Variants in IARS1 observed in about 807,000 individuals in gnomAD.
The protein encoded by IARS1 is isoleucyl-tRNA synthetase 1.
Under a neutral mutation model 168.2 loss-of-function variants are expected in IARS1, and 124 were observed. The observed-to-expected ratio is 0.74, with a 90% confidence interval of 0.64 to 0.86. IARS1 has a LOEUF of 0.86. IARS1 is among the 40% of genes least tolerant of loss of function. IARS1 has a pLI of 0.00. For synonymous variants in IARS1, 532 were observed against 529.4 expected, an observed-to-expected ratio of 1.00 and a Z score of -0.07; for missense variants, 1,452 against 1,515.8, an observed-to-expected ratio of 0.96 and a Z score of 0.70.
chr9:92,293,495 G>A (rs954423840), intron 1 of IARS1, 116 bp downstream of exon 1: 13 of 528,360 alleles, frequency 2.5e-5, no homozygotes, highest in Non-Finnish European at 5.0e-5. Context: ...CGAACGGCAA[G>A]CCCCGAAGAA....
intron 14 of IARS1, 112 bp from the exon 15 acceptor site, chr9:92,265,665 C>CT (rs994186654): frequency 6.6e-4 from 583 of 881,036 alleles, no homozygotes; most frequent in East Asian, 9.6e-4. Context: ...TTTCTTTTTC[C>CT]TTTTTTTTTG....
chr9:92,213,410 A>G (rs1364099593), intron 33 of IARS1, among the ~76,000 whole-genome samples: 3 of 152,248 alleles, frequency 2.0e-5, no homozygotes, highest in Non-Finnish European at 4.4e-5. Context: ...ATGGCCTTCC[A>G]AAGATATGCC....
intron 30 of IARS1, among the ~76,000 whole-genome samples, chr9:92,230,220 C>A (rs1400862606): frequency 6.6e-6 from 1 of 152,008 alleles, no homozygotes; most frequent in African/African-American, 2.4e-5. Flanking sequence ...AAGAGATTCT[C>A]CTGTTTCAAC....
At chr9:92,283,837 T>C (rs1835020827) in intron 6 of IARS1, among the ~76,000 whole-genome samples, 1 of 152,152 alleles carries the variant, frequency 6.6e-6, no homozygotes, top group Non-Finnish European at 1.5e-5. Flanking sequence ...ATTAGAAATA[T>C]GAACTGATGA....
At chr9:92,283,026 T>G (rs928788862) in intron 6 of IARS1, among the ~76,000 whole-genome samples, 3 of 152,022 alleles carry the variant, frequency 2.0e-5, no homozygotes, top group Non-Finnish European at 2.9e-5. Context: ...AGCTAATTTT[T>G]GTAATTTTAG....
At position 92,223,383 on chromosome 9, in the gene IARS1, C is replaced by T. The variant is rs1486206310; in HGVS notation, c.3516G>A (p.Gln1172=). Residue 1172 remains glutamine, a synonymous_variant, in exon 32 of 34, where the codon CAG becomes CAA. Coordinates refer to ENST00000443024, the MANE Select transcript of IARS1 (RefSeq NM_002161.6). ...LINSSSTLLC[Q]YINLQLLNAK... is the part of the protein sequence containing the mutation. ...CATTCAGGAGCTGTAGGTTGATATA[C>T]TGACAAAGAAGAGTACTAGAACTGT... is the stretch of plus-strand genomic sequence containing the variant. 3 of 1,613,764 alleles carry T rather than the reference C, an allele frequency of 1.9e-6. No individual in the cohort carries two copies. The highest frequency in any genetic ancestry group is 2.5e-6 in the Non-Finnish European group (3 of 1,179,762).
At chr9:92,232,751 C>T (rs941302092) in intron 30 of IARS1, among the ~76,000 whole-genome samples, 19 of 152,146 alleles carry the variant, frequency 1.2e-4, no homozygotes, top group African/African-American at 4.1e-4. Context: ...GAGTTCAAGA[C>T]CAGACTGGGC....
chr9:92,287,023 A>T (rs897340644), intron 4 of IARS1, among the ~76,000 whole-genome samples: 1 of 152,256 alleles, frequency 6.6e-6, no homozygotes, highest in Non-Finnish European at 1.5e-5. Context: ...CAACTTTACA[A>T]AGCAGAAAGC....
At chr9:92,288,707 T>C (rs564895420) in intron 2 of IARS1, among the ~76,000 whole-genome samples, 1 of 152,142 alleles carries the variant, frequency 6.6e-6, no homozygotes, top group South Asian at 2.1e-4. Flanking sequence ...GGTACTTAGG[T>C]ATAAGTGCCT....
chr9:92,247,672 A>G (rs897175805), intron 25 of IARS1, 121 bp from the exon 26 acceptor site: 1 of 785,518 alleles, frequency 1.3e-6, no homozygotes, highest in Non-Finnish European at 2.0e-6. Flanking sequence ...TCAAGTGTCC[A>G]TCAACTGTGA....
At position 92,286,651 on chromosome 9, in the gene IARS1, C is replaced by T. The variant is rs1297527230; in HGVS notation, c.397-33G>A. The stretch of plus-strand genomic sequence containing the variant: ...ATATTAATATTAGAACAGTATTAGA[C>T]AATGATATTTATAATTGTACATCAA... On this transcript the variant is annotated intron_variant, in intron 4 of 33. Transcript: ENST00000443024. 6.1e-6 allele frequency: 7 copies of T among 1,139,698 alleles called. No individual in the cohort carries two copies. The African/African-American group carries it at 6.3e-5, about 10-fold the overall frequency. The allele number at this position is 1,139,698 out of a possible 1,614,324, so 70.6% of individuals were successfully genotyped here.
Position 92,250,282 on chromosome 9 carries a change from ATTC to A in IARS1, c.2434_2436del (p.Glu812del), listed in dbSNP as rs760823932. ...GCACTCTCTGTTTTCTTGTCAATCA[ATTC>A]TTCTCTGAGTGGTAGAGGTAGGAAT... On this transcript the variant is annotated inframe_deletion, in exon 24 of 34. Transcript: ENST00000443024. The A allele has an allele frequency of 1.3e-6, 2 of 1,592,772 alleles. No homozygotes were observed. The highest frequency in any genetic ancestry group is 2.2e-5 in the South Asian group (2 of 90,628).
At chr9:92,233,675 C>T (rs1406987291) in intron 30 of IARS1, among the ~76,000 whole-genome samples, 1 of 152,248 alleles carries the variant, frequency 6.6e-6, no homozygotes, top group Non-Finnish European at 1.5e-5. Context: ...ATACACGTCT[C>T]TCCACTTACT....
intron 1 of IARS1, among the ~76,000 whole-genome samples, chr9:92,291,352 T>A (rs1448522173): frequency 6.6e-6 from 1 of 152,170 alleles, no homozygotes; most frequent in Non-Finnish European, 1.5e-5. Context: ...CTCAAACAGT[T>A]TTGAAAGCAT....
intron 32 of IARS1, among the ~76,000 whole-genome samples, chr9:92,222,926 C>T (rs1839879967): frequency 6.6e-6 from 1 of 151,516 alleles, no homozygotes; most frequent in Non-Finnish European, 1.5e-5. Context: ...ATACTCAGTA[C>T]ACAGTGAAGT....
Position 92,242,323 on chromosome 9 carries a change from A to G in IARS1, c.3008T>C (p.Leu1003Pro). 1 of 1,610,238 alleles carries G rather than the reference A, an allele frequency of 6.2e-7. No individual in the cohort carries two copies. Among genetic ancestry groups the G allele is most frequent in the East Asian group, 2.2e-5 (1 of 44,854 alleles). The change falls in exon 29 of 34, where the codon CTG (leucine) becomes CCG (proline). Residue 1003 changes from leucine to proline, a missense_variant. Coordinates refer to ENST00000443024, the MANE Select transcript of IARS1 (RefSeq NM_002161.6). ...RIQKLRKKCNLVPTDEITVYY... is the reference protein window; with the variant it reads ...RIQKLRKKCNPVPTDEITVYY... ...CACTGTGATTTCATCAGTTGGAACC[A>G]GATTGCACTGAAAACACACACAGAA...
At position 92,275,610 on chromosome 9, in the gene IARS1, T is replaced by C. The variant is rs529760258; in HGVS notation, c.895-1089A>G. Reference sequence around the variant, plus strand: ...AGAATTACATGTATACTTAGTTACATGTTCTATACTTAGAAGCAGTATAGA... The same window carrying C: ...AGAATTACATGTATACTTAGTTACACGTTCTATACTTAGAAGCAGTATAGA... On this transcript the variant is annotated intron_variant, in intron 9 of 33. Transcript: ENST00000443024. Among the ~76,000 whole-genome samples the C allele has an allele frequency of 1.2e-4, 19 of 152,324 alleles. No homozygotes were observed. The South Asian group carries it at 2.5e-3, about 20-fold the overall frequency.
intron 29 of IARS1, 24 bp downstream of exon 29, chr9:92,242,130 A>C (rs138699441): frequency 6.3e-7 from 1 of 1,581,064 alleles, no homozygotes. Context: ...CTTTAGTAGT[A>C]GTTCAGTGGA....
At chr9:92,227,063 C>T (rs1403677328) in intron 31 of IARS1, among the ~76,000 whole-genome samples, 2 of 138,226 alleles carry the variant, frequency 1.4e-5, no homozygotes, top group South Asian at 2.6e-4. Flanking sequence ...TTGCACCGCC[C>T]TTAATCCATT....
Sources: allele counts gnomAD v4.1 joint callset (sites outside exome capture counted in the v4.1 genomes callset), GRCh38; gene constraint gnomAD v4.1.1; transcripts MANE v1.5; gene names NCBI Gene and HGNC (gene_info 2026-07-23, HGNC 2026-07-21).